Variants in GLIS3 observed in about 807,000 individuals in gnomAD.
The protein encoded by GLIS3 is GLIS family zinc finger 3, also known as zinc finger protein GLIS3.
A neutral mutation model predicts 78.6 loss-of-function variants in GLIS3; 53 were observed. The ratio of observed to expected loss-of-function variants is 0.67; its 90% CI spans 0.54 to 0.85. The LOEUF (loss-of-function observed/expected upper bound fraction) is 0.85. Ranked by LOEUF, GLIS3 falls within the 40% of genes least tolerant of loss-of-function variation. The pLI is 0.00. For synonymous variants in GLIS3, 684 were observed against 509.9 expected (o/e 1.34, Z -4.60); for missense variants, 1,703 against 1,231.1 (o/e 1.38, Z -5.74).
the GLIS3 span, among the ~76,000 whole-genome samples, chr9:4,385,737 AAAAGAAAG>A: frequency 0.033 from 1,810 of 54,258 alleles, 181 homozygotes; most frequent in African/African-American, 0.048. Context: ...GAAAGAAAGA[AAAAGAAAG>A]AAAGAAAGAA....
chr9:4,050,058 G>C (rs900842211), intron 4 of GLIS3, among the ~76,000 whole-genome samples: 5 of 152,120 alleles, frequency 3.3e-5, no homozygotes, highest in Non-Finnish European at 5.9e-5. Flanking sequence ...CAGGGATCTA[G>C]AACTAGAAAT....
intron 7 of GLIS3, among the ~76,000 whole-genome samples, chr9:3,896,595 G>C (rs1379043070): frequency 6.8e-6 from 1 of 146,574 alleles, no homozygotes; most frequent in African/African-American, 2.5e-5. Flanking sequence ...GAACCTGGGA[G>C]GTAGAGGTTG....
chr9:4,403,397 A>G, the GLIS3 span, among the ~76,000 whole-genome samples: 102 of 152,212 alleles, frequency 6.7e-4, no homozygotes, highest in Non-Finnish European at 1.4e-3. Context: ...TAGTAAGCAC[A>G]CAGAAAAACA....
chr9:4,059,733 A>T (rs535529388), intron 4 of GLIS3, among the ~76,000 whole-genome samples: 2 of 151,436 alleles, frequency 1.3e-5, no homozygotes, highest in Non-Finnish European at 2.9e-5. Flanking sequence ...TCTTGCCAGC[A>T]CTTTGCCAGG....
intron 4 of GLIS3, among the ~76,000 whole-genome samples, chr9:4,024,507 T>C (rs1040185347): frequency 2.0e-5 from 3 of 152,178 alleles, no homozygotes; most frequent in East Asian, 1.9e-4. Context: ...TAAATCTAAT[T>C]AGGGCAGAAC....
At chr9:4,215,671 G>T (rs1351181943) in intron 2 of GLIS3, among the ~76,000 whole-genome samples, 1 of 152,138 alleles carries the variant, frequency 6.6e-6, no homozygotes, top group African/African-American at 2.4e-5. Flanking sequence ...CCCATCATCA[G>T]CTTCCATTTC....
the GLIS3 span, among the ~76,000 whole-genome samples, chr9:4,390,084 A>G: frequency 6.6e-6 from 1 of 152,256 alleles, no homozygotes; most frequent in Non-Finnish European, 1.5e-5. Context: ...GCAGAGGAGA[A>G]AAGAGAGACA....
the GLIS3 span, among the ~76,000 whole-genome samples, chr9:4,446,249 G>C: frequency 3.3e-5 from 5 of 152,152 alleles, no homozygotes; most frequent in African/African-American, 1.2e-4. Context: ...CTAATGAATG[G>C]GATTATTTCC....
chr9:4,237,789 C>A (rs1822905317), intron 2 of GLIS3, among the ~76,000 whole-genome samples: 1 of 152,168 alleles, frequency 6.6e-6, no homozygotes, highest in Non-Finnish European at 1.5e-5. Flanking sequence ...CTGACAGGTT[C>A]TTTTCTCTCT....
intron 4 of GLIS3, among the ~76,000 whole-genome samples, chr9:4,114,737 G>T (rs1831499889): frequency 6.6e-6 from 1 of 152,030 alleles, no homozygotes; most frequent in Non-Finnish European, 1.5e-5. Context: ...CTTTGCCACT[G>T]GGTGGGAATG....
chr9:4,331,140 TCA>T (rs1563935653), intron 2 of GLIS3, among the ~76,000 whole-genome samples: 1 of 151,976 alleles, frequency 6.6e-6, no homozygotes, highest in Non-Finnish European at 1.5e-5. Context: ...GCTGTAAGTC[TCA>T]AGTTGTCAGC....
the GLIS3 span, among the ~76,000 whole-genome samples, chr9:4,454,875 T>A: frequency 6.6e-6 from 1 of 152,196 alleles, no homozygotes; most frequent in African/African-American, 2.4e-5. Context: ...AATTTTTGTT[T>A]CATATAATCT....
At chr9:4,212,970 G>C (rs1041153461) in intron 2 of GLIS3, among the ~76,000 whole-genome samples, 1 of 152,164 alleles carries the variant, frequency 6.6e-6, no homozygotes, top group Non-Finnish European at 1.5e-5. Context: ...GCCAAAACTA[G>C]AAACAGGAAG....
At chr9:4,160,583 T>C (rs996205652) in intron 2 of GLIS3, among the ~76,000 whole-genome samples, 2 of 152,236 alleles carry the variant, frequency 1.3e-5, no homozygotes, top group African/African-American at 2.4e-5. Flanking sequence ...TGGAACCAAA[T>C]GAGTCCACGT....
At chr9:4,184,567 A>T (rs1817602698) in intron 2 of GLIS3, among the ~76,000 whole-genome samples, 2 of 152,302 alleles carry the variant, frequency 1.3e-5, no homozygotes, top group African/African-American at 4.8e-5. Context: ...CTGGTCTGCA[A>T]TAAGCATGAT....
Position 3,981,004 on chromosome 9 carries a change from G to A in GLIS3, c.1711-43815C>T, listed in dbSNP as rs901577144. On this transcript the variant is annotated intron_variant, in intron 4 of 10. Coordinates refer to ENST00000381971, the MANE Select transcript of GLIS3 (RefSeq NM_001042413.2). ...CTACGCTGCTCTGCTGAACTGAAGC[G>A]CTCTTTTGTTGCAGGGCTGGACGAA... Among the ~76,000 whole-genome samples the A allele has an allele frequency of 1.7e-4, 26 of 152,164 alleles. 1 individual carries two copies. Among genetic ancestry groups the A allele is most frequent in the Admixed American group, 1.6e-3 (24 of 15,274 alleles).
intron 2 of GLIS3, among the ~76,000 whole-genome samples, chr9:4,196,712 C>A (rs1299344356): frequency 6.6e-6 from 1 of 152,178 alleles, no homozygotes; most frequent in Non-Finnish European, 1.5e-5. Flanking sequence ...TCCAGACACG[C>A]CATTTTTAAG....
chr9:4,151,801 T>C (rs144050438), intron 2 of GLIS3, among the ~76,000 whole-genome samples: 2 of 152,284 alleles, frequency 1.3e-5, no homozygotes, highest in East Asian at 3.9e-4. Flanking sequence ...ATAATAATCA[T>C]CTGTTCCTAG....
intron 4 of GLIS3, among the ~76,000 whole-genome samples, chr9:3,999,196 GAGTT>G (rs1820958104): frequency 6.6e-6 from 1 of 152,118 alleles, no homozygotes; most frequent in Non-Finnish European, 1.5e-5. Context: ...TCGCAGATTT[GAGTT>G]TTCAATATGT....
Sources: gnomAD v4.1 joint callset for allele counts (sites outside exome capture counted in the v4.1 genomes callset) on GRCh38, gnomAD v4.1.1 for gene constraint, MANE v1.5 for transcripts, NCBI Gene and HGNC (gene_info 2026-07-23, HGNC 2026-07-21) for gene names.